The following CTNNA2 variants were observed in gnomAD, a reference collection of about 807,000 sequenced individuals.
CTNNA2 encodes catenin alpha-2.
CTNNA2 carries 42 observed loss-of-function variants against 101.0 expected under a neutral mutation model. The ratio of observed to expected loss-of-function variants is 0.42; its 90% confidence interval spans 0.32 to 0.54. The LOEUF (loss-of-function observed/expected upper bound fraction) is 0.54. CTNNA2 is among the 20% of genes least tolerant of loss of function. CTNNA2 has a pLI of 0.14. For synonymous variants in CTNNA2, 450 were observed against 456.4 expected, an observed-to-expected ratio of 0.99 and a Z score of 0.18; for missense variants, 871 against 1,223.1, an observed-to-expected ratio of 0.71 and a Z score of 4.29.
chr2:79,461,068 C>T (rs1050604515), intron 4 of CTNNA2, among the ~76,000 whole-genome samples: 9 of 152,294 alleles, frequency 5.9e-5, no homozygotes, highest in African/African-American at 1.9e-4. Flanking sequence ...TCTCGAACCC[C>T]TGACCTCAAG....
At chr2:79,285,114 T>C (rs1675527581) in intron 2 of CTNNA2, among the ~76,000 whole-genome samples, 1 of 151,690 alleles carries the variant, frequency 6.6e-6, no homozygotes, top group Non-Finnish European at 1.5e-5. Flanking sequence ...ATATCCCCTT[T>C]ATCATTTTTT....
chr2:80,522,012 GT>G (rs1158378910), intron 9 of CTNNA2, among the ~76,000 whole-genome samples: 1 of 152,124 alleles, frequency 6.6e-6, no homozygotes, highest in Non-Finnish European at 1.5e-5. Flanking sequence ...GCCCCAAGTG[GT>G]TTCTCAACCT....
chr2:79,871,874 G>T (rs1291587549), intron 5 of CTNNA2, among the ~76,000 whole-genome samples: 1 of 152,080 alleles, frequency 6.6e-6, no homozygotes, highest in Non-Finnish European at 1.5e-5. Flanking sequence ...AAAGCCACGA[G>T]AATATATATG....
intron 2 of CTNNA2, among the ~76,000 whole-genome samples, chr2:79,660,444 C>T (rs573940334): frequency 6.6e-6 from 1 of 151,212 alleles, no homozygotes; most frequent in African/African-American, 2.4e-5. Context: ...TATAAATTTA[C>T]CTGTATTACA....
intron 9 of CTNNA2, among the ~76,000 whole-genome samples, chr2:80,436,013 G>A (rs1424883741): frequency 6.6e-6 from 1 of 152,148 alleles, no homozygotes; most frequent in Non-Finnish European, 1.5e-5. Context: ...TGAAAAGATA[G>A]TAAGAATGCA....
intron 9 of CTNNA2, among the ~76,000 whole-genome samples, chr2:80,423,252 A>C (rs1202479784): frequency 6.6e-6 from 1 of 151,790 alleles, no homozygotes; most frequent in East Asian, 1.9e-4. Context: ...TTTCTAACTT[A>C]TTGGAATGGA....
chr2:80,167,176 A>G (rs959413547), intron 7 of CTNNA2, among the ~76,000 whole-genome samples: 3 of 152,180 alleles, frequency 2.0e-5, no homozygotes, highest in Middle Eastern at 3.4e-3. Flanking sequence ...TTTTGCACCA[A>G]CCTAACGCTG....
At chr2:80,196,649 C>T (rs1375734831) in intron 7 of CTNNA2, among the ~76,000 whole-genome samples, 1 of 152,134 alleles carries the variant, frequency 6.6e-6, no homozygotes, top group Non-Finnish European at 1.5e-5. Flanking sequence ...AAAGTTTTAC[C>T]TAGCTGCTGG....
At chr2:80,348,743 T>C (rs1673013554) in intron 7 of CTNNA2, among the ~76,000 whole-genome samples, 1 of 128,588 alleles carries the variant, frequency 7.8e-6, no homozygotes. Context: ...GTATATGCCC[T>C]TAGGTTCTGA....
intron 7 of CTNNA2, among the ~76,000 whole-genome samples, chr2:80,391,250 C>T (rs114650666): frequency 1.3e-5 from 2 of 152,070 alleles, no homozygotes; most frequent in Non-Finnish European, 2.9e-5. Context: ...CCTCTTCACT[C>T]TGTTCACACC....
chr2:80,518,599 G>A (rs2902213), intron 9 of CTNNA2, among the ~76,000 whole-genome samples: 84,318 of 151,942 alleles, frequency 0.55, 24,987 homozygotes, highest in African/African-American at 0.78. Context: ...CTGCAGTGTC[G>A]GGTTCTTAGT....
intron 7 of CTNNA2, among the ~76,000 whole-genome samples, chr2:80,386,925 A>G (rs1309566604): frequency 6.6e-6 from 1 of 152,180 alleles, no homozygotes; most frequent in Non-Finnish European, 1.5e-5. Context: ...CAATGGAAGC[A>G]CCAAGATGGT....
intron 2 of CTNNA2, among the ~76,000 whole-genome samples, chr2:79,210,734 C>T (rs912439265): frequency 2.6e-5 from 4 of 152,098 alleles, no homozygotes; most frequent in African/African-American, 9.7e-5. Context: ...CAGATACCTC[C>T]TGCTGCTGCT....
At chr2:80,644,348 G>A (rs918646271) in intron 18 of CTNNA2, among the ~76,000 whole-genome samples, 11 of 152,108 alleles carry the variant, frequency 7.2e-5, no homozygotes, top group Admixed American at 1.3e-4. Context: ...AAACTTATAC[G>A]TATTCACTTA....
chr2:79,337,250 G>A (rs912080924), intron 3 of CTNNA2, among the ~76,000 whole-genome samples: 2 of 152,118 alleles, frequency 1.3e-5, no homozygotes, highest in African/African-American at 4.8e-5. Context: ...AAAGAAAATG[G>A]GTACAAGTAT....
chr2:79,302,090 C>G (rs1012462068), intron 2 of CTNNA2, among the ~76,000 whole-genome samples: 1 of 151,610 alleles, frequency 6.6e-6, no homozygotes, highest in African/African-American at 2.4e-5. Flanking sequence ...GAGACTCTGT[C>G]TCAATAAACA....
chr2:79,666,237 C>G (rs370271009), intron 2 of CTNNA2, among the ~76,000 whole-genome samples: 1 of 152,030 alleles, frequency 6.6e-6, no homozygotes, highest in East Asian at 1.9e-4. Flanking sequence ...AATAAAGTTT[C>G]AAAAATGTAA....
intron 4 of CTNNA2, among the ~76,000 whole-genome samples, chr2:79,378,067 A>G (rs1677999109): frequency 1.3e-5 from 2 of 152,200 alleles, no homozygotes; most frequent in South Asian, 4.1e-4. Flanking sequence ...TATATGTAGG[A>G]CACAGTATTG....
chr2:80,601,263 G>A (rs1170400219), intron 15 of CTNNA2, among the ~76,000 whole-genome samples: 1 of 151,940 alleles, frequency 6.6e-6, no homozygotes, highest in East Asian at 1.9e-4. Flanking sequence ...TGTTTTAGTT[G>A]CTTCTGGGAA....
Sources: allele counts gnomAD v4.1 joint callset (sites outside exome capture counted in the v4.1 genomes callset), GRCh38; gene constraint gnomAD v4.1.1; transcripts MANE v1.5; gene names NCBI Gene and HGNC (gene_info 2026-07-23, HGNC 2026-07-21).